The following KANSL1 variants were observed in gnomAD, a reference collection of about 807,000 sequenced individuals.
KANSL1 encodes KAT8 regulatory NSL complex subunit 1.
Under a neutral mutation model 103.6 loss-of-function variants are expected in KANSL1, and 22 were observed. The observed-to-expected ratio is 0.21, with a 90% CI of 0.15 to 0.30. The LOEUF is 0.30. Ranked by LOEUF, KANSL1 falls within the 10% of genes least tolerant of loss-of-function variation. The pLI is 1.00. For missense variants in KANSL1, 1,337 were observed against 1,399.8 expected, an observed-to-expected ratio of 0.96 and a Z score of 0.72; for synonymous variants, 600 against 527.6, an observed-to-expected ratio of 1.14 and a Z score of -1.88.
intron 4 of KANSL1, among the ~76,000 whole-genome samples, chr17:46,080,188 T>C (rs2078932193): frequency 6.6e-6 from 1 of 151,806 alleles, no homozygotes; most frequent in African/African-American, 2.4e-5. Flanking sequence ...TTATTATTTT[T>C]AAACTACAAG....
At position 46,034,292 on chromosome 17, in the gene KANSL1, G is replaced by C. The variant is rs1446153324; in HGVS notation, c.2542-7C>G. 3 of 1,613,054 alleles carry C rather than the reference G, an allele frequency of 1.9e-6. No individual in the cohort carries two copies. Among genetic ancestry groups the C allele is most frequent in the African/African-American group, 1.3e-5 (1 of 74,946 alleles). On this transcript the variant is annotated splice_region_variant and splice_polypyrimidine_tract_variant and intron_variant, in intron 10 of 14. Transcript: ENST00000432791. ...TCCTCCTTACTGGCTGCTGCTGTAA[G>C]ATAAAAATTAAGTTTAAAAGGAAGG...
At chr17:46,137,905 C>T (rs1241037401) in intron 2 of KANSL1, among the ~76,000 whole-genome samples, 14 of 151,594 alleles carry the variant, frequency 9.2e-5, no homozygotes, top group Non-Finnish European at 2.1e-4. Context: ...ATAAGAATGA[C>T]TCATCCTTCA....
chr17:46,191,194 T>C (rs184989110), intron 1 of KANSL1, among the ~76,000 whole-genome samples: 1 of 152,348 alleles, frequency 6.6e-6, no homozygotes, highest in African/African-American at 2.4e-5. Context: ...AGGAATAACA[T>C]ACTTCTAAAA....
At chr17:46,116,678 TTCCCTTTACTTTTAAG>T in intron 2 of KANSL1, among the ~76,000 whole-genome samples, 1 of 151,730 alleles carries the variant, frequency 6.6e-6, no homozygotes, top group East Asian at 1.9e-4. Context: ...CTTCCAGAGG[TTCCCTTTACTTTTAAG>T]TGCAATGCAA....
intron 1 of KANSL1, among the ~76,000 whole-genome samples, chr17:46,182,993 T>C (rs1238792290): frequency 6.6e-6 from 1 of 152,220 alleles, no homozygotes; most frequent in Non-Finnish European, 1.5e-5. Flanking sequence ...CCACAGTAAG[T>C]ACATACAAGG....
In KANSL1 at chr17:46,030,143, TTTTG is replaced by T. The variant is rs1049356938; in HGVS notation, c.*1329_*1332del. ...AAGGTTTTTTTTTTCCATTTTTTGT[TTTTG>T]TTTTTTTTTTCAATGCTAAAAGGGT... On this transcript the variant is annotated 3_prime_UTR_variant, in exon 15 of 15. Transcript: ENST00000432791. The T allele has an allele frequency of 7.5e-5, 11 of 146,796 alleles. No individual in the cohort carries two copies. Among genetic ancestry groups the T allele is most frequent in the East Asian group, 3.9e-4 (2 of 5,186 alleles). 9.1% of individuals were successfully genotyped at this position (146,796 alleles called of 1,614,324 possible).
At chr17:46,051,112 T>G (rs915995986) in intron 6 of KANSL1, among the ~76,000 whole-genome samples, 1 of 152,216 alleles carries the variant, frequency 6.6e-6, no homozygotes, top group African/African-American at 2.4e-5. Context: ...GGTGGGACAT[T>G]ACTTGCTTTC....
At chr17:46,039,404 GA>G (rs775533204) in intron 8 of KANSL1, 189 bp from the exon 9 acceptor site, 4 of 611,018 alleles carry the variant, frequency 6.5e-6, no homozygotes, top group Non-Finnish European at 1.1e-5. Context: ...CAGAACCAGA[GA>G]AACATGTCAC....
intron 1 of KANSL1, among the ~76,000 whole-genome samples, chr17:46,180,064 T>TA (rs1280293623): frequency 0.011 from 1,509 of 141,148 alleles, 16 homozygotes; most frequent in African/African-American, 0.029. Context: ...GACTCCATCT[T>TA]AAAAAAAAAA....
chr17:46,184,085 A>T (rs887617410), intron 1 of KANSL1, among the ~76,000 whole-genome samples: 3 of 152,232 alleles, frequency 2.0e-5, no homozygotes, highest in Non-Finnish European at 4.4e-5. Context: ...CTTACTTTTT[A>T]CCATAAATAT....
At chr17:46,074,378 G>T (rs1026879483) in intron 4 of KANSL1, among the ~76,000 whole-genome samples, 1 of 152,024 alleles carries the variant, frequency 6.6e-6, no homozygotes, top group African/African-American at 2.4e-5. Context: ...AAATAAATGA[G>T]GGGGGAAGAC....
intron 3 of KANSL1, among the ~76,000 whole-genome samples, 165 bp from the exon 4 acceptor site, chr17:46,082,707 A>G (rs1237959883): frequency 7.2e-5 from 11 of 152,076 alleles, no homozygotes; most frequent in African/African-American, 2.4e-4. Context: ...TTTCCCAAAG[A>G]GCTATTTCAA....
chr17:46,059,215 G>C (rs1437327190), intron 6 of KANSL1, among the ~76,000 whole-genome samples: 1 of 152,130 alleles, frequency 6.6e-6, no homozygotes, highest in African/African-American at 2.4e-5. Context: ...AGAAAAAGCT[G>C]AAGTTGTGAA....
intron 2 of KANSL1, among the ~76,000 whole-genome samples, chr17:46,151,274 G>A (rs368585004): frequency 1.1e-4 from 16 of 152,266 alleles, no homozygotes; most frequent in South Asian, 2.1e-4. Flanking sequence ...CTGCCACCCC[G>A]GGCTTACTGA....
intron 3 of KANSL1, chr17:46,092,720 G>A: frequency 8.3e-6 from 1 of 120,180 alleles, no homozygotes; most frequent in African/African-American, 3.2e-5. Flanking sequence ...TTTTTTGGGG[G>A]GGGGGGGGGA....
At chr17:46,209,350 A>C (rs978391924) in intron 1 of KANSL1, among the ~76,000 whole-genome samples, 25 of 152,238 alleles carry the variant, frequency 1.6e-4, no homozygotes, top group Non-Finnish European at 3.2e-4. Context: ...GGGAAGGTAG[A>C]GGGGAAAAGC....
At position 46,031,404 on chromosome 17, in the gene KANSL1, A is replaced by C; in HGVS notation, c.*72T>G. 1 of 1,364,992 alleles carries C rather than the reference A, an allele frequency of 7.3e-7. No homozygotes were observed. The highest frequency in any genetic ancestry group is 1.0e-6 in the Non-Finnish European group (1 of 1,001,944). The allele number at this position is 1,364,992 out of a possible 1,614,324, so 84.6% of individuals were successfully genotyped here. On this transcript the variant is annotated 3_prime_UTR_variant, in exon 15 of 15. Transcript: ENST00000432791. ...AAAATTTCCGGCATATGATGTTTGA[A>C]TATCAAACGCAGAGATTTCTGAAGC...
At position 46,143,571 on chromosome 17, in the gene KANSL1, G is replaced by A. The variant is rs140147706; in HGVS notation, c.1289+27284C>T. 5.6e-4 allele frequency among the ~76,000 whole-genome samples: 85 copies of A among 152,272 alleles called. 1 individual carries two copies. Among genetic ancestry groups the A allele is most frequent in the African/African-American group, 1.9e-3 (80 of 41,544 alleles). ...TGTAATCCCAGCACTTTGGGAGGCC[G>A]AGACGGGTAGATCACGAGGTCAGGA... On this transcript the variant is annotated intron_variant, in intron 2 of 14. Coordinates refer to ENST00000432791, the MANE Select transcript of KANSL1 (RefSeq NM_015443.4).
chr17:46,191,139 G>A (rs547872553), intron 1 of KANSL1, among the ~76,000 whole-genome samples: 2 of 152,302 alleles, frequency 1.3e-5, no homozygotes, highest in South Asian at 4.1e-4. Flanking sequence ...TATAAAATAG[G>A]AGTTTACCCA....
Sources: allele counts gnomAD v4.1 joint callset (sites outside exome capture counted in the v4.1 genomes callset), GRCh38; gene constraint gnomAD v4.1.1; transcripts MANE v1.5; gene names NCBI Gene and HGNC (gene_info 2026-07-23, HGNC 2026-07-21).